Variants in GMDS observed in about 807,000 individuals in gnomAD.
GMDS encodes the protein GDP-mannose 4,6 dehydratase.
A neutral mutation model predicts 49.9 loss-of-function variants in GMDS; 20 were observed. The observed-to-expected ratio is 0.40, with a 90% confidence interval of 0.28 to 0.58. The LOEUF (loss-of-function observed/expected upper bound fraction) is 0.58. GMDS is among the 20% of genes least tolerant of loss of function. The pLI is 0.42. For missense variants in GMDS, 362 were observed against 481.4 expected (o/e 0.75, Z 2.32); for synonymous variants, 177 against 178.6 (o/e 0.99, Z 0.07).
intron 4 of GMDS, among the ~76,000 whole-genome samples, chr6:2,043,725 T>C (rs6915040): frequency 0.019 from 2,902 of 152,346 alleles, 109 homozygotes; most frequent in African/African-American, 0.065. Flanking sequence ...AACTTGTTTT[T>C]GAGCTTCTGC....
intron 7 of GMDS, among the ~76,000 whole-genome samples, chr6:1,913,129 C>G (rs932491900): frequency 5.3e-5 from 8 of 152,054 alleles, no homozygotes; most frequent in African/African-American, 1.9e-4. Context: ...CGCCTGTAAT[C>G]CCAGCACTTT....
At chr6:2,226,140 A>G (rs1002846461) in intron 1 of GMDS, among the ~76,000 whole-genome samples, 1 of 152,240 alleles carries the variant, frequency 6.6e-6, no homozygotes, top group Non-Finnish European at 1.5e-5. Context: ...ACCAACACTG[A>G]GCCAGGCCAT....
intron 7 of GMDS, among the ~76,000 whole-genome samples, chr6:1,786,599 T>G (rs184214402): frequency 3.2e-4 from 49 of 152,042 alleles, no homozygotes; most frequent in Admixed American, 1.3e-3. Context: ...CTACCTGGAG[T>G]GGCGCTGGGC....
chr6:1,880,895 A>G (rs2113822848), intron 7 of GMDS, among the ~76,000 whole-genome samples: 1 of 152,304 alleles, frequency 6.6e-6, no homozygotes, highest in South Asian at 2.1e-4. Flanking sequence ...GAATATCACT[A>G]CTAGATAGAC....
intron 4 of GMDS, among the ~76,000 whole-genome samples, chr6:2,062,819 T>TTC (rs1361936279): frequency 2.6e-5 from 4 of 152,236 alleles, no homozygotes; most frequent in Non-Finnish European, 5.9e-5. Context: ...AGTTTTAAAA[T>TTC]TCTCATGACT....
At chr6:2,033,340 G>C (rs987191164) in intron 4 of GMDS, among the ~76,000 whole-genome samples, 1 of 152,156 alleles carries the variant, frequency 6.6e-6, no homozygotes, top group East Asian at 1.9e-4. Context: ...TAAAAAGCTA[G>C]AGCAATATTT....
intron 7 of GMDS, among the ~76,000 whole-genome samples, chr6:1,845,522 C>T (rs1757358460): frequency 6.6e-6 from 1 of 152,174 alleles, no homozygotes; most frequent in Non-Finnish European, 1.5e-5. Context: ...TATGTTGAGA[C>T]ATTCTCAGGT....
intron 4 of GMDS, among the ~76,000 whole-genome samples, chr6:2,003,295 T>G (rs562922716): frequency 2.4e-3 from 372 of 152,314 alleles, no homozygotes; most frequent in African/African-American, 8.7e-3. Flanking sequence ...GAATGTTACC[T>G]TATTAATATT....
chr6:2,093,648 A>G (rs1773440833), intron 4 of GMDS, among the ~76,000 whole-genome samples: 2 of 152,178 alleles, frequency 1.3e-5, no homozygotes, highest in African/African-American at 2.4e-5. Flanking sequence ...TACACAGCCA[A>G]TGAAATGTTG....
At chr6:2,057,105 G>A (rs570175635) in intron 4 of GMDS, among the ~76,000 whole-genome samples, 2 of 152,202 alleles carry the variant, frequency 1.3e-5, no homozygotes, top group East Asian at 1.9e-4. Context: ...CTACCACCTC[G>A]GTGACAAACA....
chr6:1,840,527 A>G (rs1008247061), intron 7 of GMDS, among the ~76,000 whole-genome samples: 6 of 152,350 alleles, frequency 3.9e-5, no homozygotes, highest in Admixed American at 1.3e-4. Flanking sequence ...TATTGCTGAT[A>G]TCCAGCCCCC....
Position 1,993,212 on chromosome 6 carries a change from G to A in GMDS, c.346-32246C>T, listed in dbSNP as rs184628771. Among the ~76,000 whole-genome samples the A allele has an allele frequency of 4.0e-3, 603 of 152,188 alleles. 7 individuals carry two copies. The highest frequency in any genetic ancestry group is 4.2e-3 in the Non-Finnish European group (285 of 68,010). On this transcript the variant is annotated intron_variant, in intron 4 of 10. Coordinates refer to ENST00000380815, the MANE Select transcript of GMDS (RefSeq NM_001500.4). Reference sequence around the variant, plus strand: ...CCAAACTTCTCTTCCTTCTCGGAGGGTATGGGTATTCTCGCTTCTATGCTG... The same window carrying A: ...CCAAACTTCTCTTCCTTCTCGGAGGATATGGGTATTCTCGCTTCTATGCTG...
chr6:2,193,487 C>T (rs1255507849), intron 1 of GMDS, among the ~76,000 whole-genome samples: 1 of 152,222 alleles, frequency 6.6e-6, no homozygotes, highest in African/African-American at 2.4e-5. Context: ...TTCCTCCACA[C>T]CCTAGGCAGC....
intron 4 of GMDS, among the ~76,000 whole-genome samples, chr6:2,066,726 T>C (rs1771619882): frequency 6.6e-6 from 1 of 152,276 alleles, no homozygotes; most frequent in African/African-American, 2.4e-5. Context: ...ATCCTAAATA[T>C]ATATGCGCCC....
intron 7 of GMDS, among the ~76,000 whole-genome samples, chr6:1,784,990 G>C (rs1016645775): frequency 1.3e-5 from 2 of 152,148 alleles, no homozygotes; most frequent in African/African-American, 2.4e-5. Context: ...GAATAGTTCT[G>C]ATGCAGAAAC....
intron 7 of GMDS, among the ~76,000 whole-genome samples, chr6:1,788,011 G>A (rs535869345): frequency 2.0e-5 from 3 of 152,276 alleles, no homozygotes; most frequent in South Asian, 4.2e-4. Flanking sequence ...ACTGCCCACC[G>A]TGCAGCCTTG....
chr6:1,808,902 C>CTGTGTGTG (rs530398323), intron 7 of GMDS, among the ~76,000 whole-genome samples: 3,094 of 127,316 alleles, frequency 0.024, 101 homozygotes, highest in African/African-American at 0.096. Flanking sequence ...TGCATGCTCT[C>CTGTGTGTG]TCTGTGTGTG....
chr6:1,974,730 C>A (rs1764799118), intron 4 of GMDS, among the ~76,000 whole-genome samples: 1 of 151,854 alleles, frequency 6.6e-6, no homozygotes, highest in African/African-American at 2.4e-5. Context: ...TACTAATGCC[C>A]ATAAAAAGGT....
At chr6:2,085,816 C>T (rs1442310353) in intron 4 of GMDS, among the ~76,000 whole-genome samples, 1 of 152,182 alleles carries the variant, frequency 6.6e-6, no homozygotes, top group African/African-American at 2.4e-5. Flanking sequence ...CGTGAGTCAC[C>T]ACACCTGGCC....
Sources: gnomAD v4.1 joint callset for allele counts (sites outside exome capture counted in the v4.1 genomes callset) on GRCh38, gnomAD v4.1.1 for gene constraint, MANE v1.5 for transcripts, NCBI Gene and HGNC (gene_info 2026-07-23, HGNC 2026-07-21) for gene names.